Variants in SMG6 observed in about 807,000 individuals in gnomAD.
The protein encoded by SMG6 is telomerase-binding protein EST1A.
Under a neutral mutation model 142.2 loss-of-function variants are expected in SMG6, and 66 were observed. The observed-to-expected ratio is 0.46, with a 90% CI of 0.38 to 0.57. The LOEUF is 0.57. Ranked by LOEUF, SMG6 falls within the 20% of genes least tolerant of loss-of-function variation. The pLI, the probability that SMG6 is intolerant of heterozygous loss-of-function variation, is 0.00. For synonymous variants in SMG6, 779 were observed against 702.4 expected, an observed-to-expected ratio of 1.11 and a Z score of -1.72; for missense variants, 1,793 against 1,832.0, an observed-to-expected ratio of 0.98 and a Z score of 0.39.
chr17:2,255,200 C>A (rs1203040973), intron 8 of SMG6, among the ~76,000 whole-genome samples: 1 of 151,018 alleles, frequency 6.6e-6, no homozygotes, highest in Non-Finnish European at 1.5e-5. Context: ...GTCAGGAGAT[C>A]GAGACCATCC....
At chr17:2,228,772 A>G (rs2151786847) in intron 10 of SMG6, among the ~76,000 whole-genome samples, 1 of 152,366 alleles carries the variant, frequency 6.6e-6, no homozygotes, top group East Asian at 1.9e-4. Flanking sequence ...TCAGGATGAT[A>G]GTTACCTGTT....
chr17:2,148,633 C>G (rs141076914), intron 13 of SMG6, among the ~76,000 whole-genome samples: 6 of 152,038 alleles, frequency 3.9e-5, no homozygotes, highest in African/African-American at 1.4e-4. Flanking sequence ...CCAAGGCGGG[C>G]GGATCACTTG....
chr17:2,098,043 C>T (rs2068903943), intron 13 of SMG6, among the ~76,000 whole-genome samples: 1 of 152,084 alleles, frequency 6.6e-6, no homozygotes, highest in Non-Finnish European at 1.5e-5. Context: ...GGCTGGAGTA[C>T]AGTGACGAGA....
At chr17:2,298,113 C>A (rs2075184325) in intron 2 of SMG6, 58 bp from the exon 3 acceptor site, 3 of 1,507,954 alleles carry the variant, frequency 2.0e-6, no homozygotes, top group Non-Finnish European at 2.7e-6. Context: ...AAGCTAGACT[C>A]AAGTTTTGAG....
At chr17:2,118,275 T>C (rs990655635) in intron 13 of SMG6, among the ~76,000 whole-genome samples, 9 of 152,100 alleles carry the variant, frequency 5.9e-5, no homozygotes, top group Admixed American at 3.3e-4. Flanking sequence ...CAGTGGCTCA[T>C]GCCTGTAATC....
chr17:2,254,455 T>C (rs889248867), intron 8 of SMG6, among the ~76,000 whole-genome samples: 1 of 152,144 alleles, frequency 6.6e-6, no homozygotes, highest in African/African-American at 2.4e-5. Context: ...GTGCCTCAGC[T>C]TCCCAAGTAG....
intron 10 of SMG6, among the ~76,000 whole-genome samples, chr17:2,211,027 C>G (rs151048588): frequency 6.6e-6 from 1 of 151,230 alleles, no homozygotes; most frequent in African/African-American, 2.4e-5. Flanking sequence ...CCATGCTTGA[C>G]TACCAAATTC....
chr17:2,208,092 G>A (rs1362830590), intron 10 of SMG6, among the ~76,000 whole-genome samples: 2 of 152,012 alleles, frequency 1.3e-5, no homozygotes, highest in Admixed American at 6.6e-5. Context: ...TCGTGCCACC[G>A]CACTCCAGCC....
At chr17:2,064,017 T>C (rs982982611) in intron 18 of SMG6, among the ~76,000 whole-genome samples, 1 of 152,014 alleles carries the variant, frequency 6.6e-6, no homozygotes, top group African/African-American at 2.4e-5. Flanking sequence ...GGCTGTGGGC[T>C]CGTAACCAGC....
chr17:2,160,176 ATTAG>A (rs1409124798), intron 13 of SMG6, among the ~76,000 whole-genome samples: 1 of 152,162 alleles, frequency 6.6e-6, no homozygotes, highest in African/African-American at 2.4e-5. Context: ...GTAAATATAT[ATTAG>A]TAAGTTGATT....
chr17:2,108,250 A>T (rs867003542), intron 13 of SMG6, among the ~76,000 whole-genome samples: 13 of 152,284 alleles, frequency 8.5e-5, no homozygotes, highest in Middle Eastern at 3.4e-3. Flanking sequence ...TTGTAACTGG[A>T]CCTCTTTGGA....
intron 10 of SMG6, chr17:2,232,586 G>A (rs2073528972): frequency 6.6e-6 from 1 of 152,122 alleles, no homozygotes; most frequent in Non-Finnish European, 1.5e-5. Flanking sequence ...AACGTCCCTT[G>A]TCCCACCCCT....
At chr17:2,291,877 A>G (rs1342324364) in intron 6 of SMG6, among the ~76,000 whole-genome samples, 2 of 140,286 alleles carry the variant, frequency 1.4e-5, no homozygotes, top group Non-Finnish European at 3.1e-5. Context: ...AAAAAGAGAG[A>G]GACAATTTTC....
At chr17:2,070,465 A>G (rs1405564144) in intron 15 of SMG6, among the ~76,000 whole-genome samples, 1 of 152,206 alleles carries the variant, frequency 6.6e-6, no homozygotes, top group Non-Finnish European at 1.5e-5. Flanking sequence ...AGATGCAGGC[A>G]CAGGGCTGGG....
intron 13 of SMG6, chr17:2,087,492 G>A: frequency 1.9e-6 from 2 of 1,049,810 alleles, no homozygotes; most frequent in Non-Finnish European, 2.3e-6. Context: ...ATTATAGGCT[G>A]GAATCTCAAG....
chr17:2,190,302 ACT>A (rs1440645815), intron 10 of SMG6, among the ~76,000 whole-genome samples: 3 of 152,024 alleles, frequency 2.0e-5, no homozygotes, highest in Non-Finnish European at 4.4e-5. Context: ...GGTAGCTGAT[ACT>A]CTGAGTAAAC....
intron 10 of SMG6, among the ~76,000 whole-genome samples, chr17:2,224,247 C>T (rs2073255151): frequency 6.6e-6 from 1 of 152,122 alleles, no homozygotes; most frequent in Non-Finnish European, 1.5e-5. Context: ...ATGGACACAG[C>T]CAAGATCCTT....
At chr17:2,283,878 A>C in intron 6 of SMG6, 143 bp from the exon 7 acceptor site, 1 of 643,132 alleles carries the variant, frequency 1.6e-6, no homozygotes, top group South Asian at 1.8e-5. Context: ...CAGAAATGCT[A>C]TCCACAGGAG....
intron 13 of SMG6, among the ~76,000 whole-genome samples, chr17:2,152,380 A>G (rs1350310357): frequency 6.6e-6 from 1 of 152,244 alleles, no homozygotes; most frequent in Non-Finnish European, 1.5e-5. Context: ...CTCAGCATTT[A>G]ATCAGTCAAA....
Sources: gnomAD v4.1 joint callset for allele counts (sites outside exome capture counted in the v4.1 genomes callset) on GRCh38, gnomAD v4.1.1 for gene constraint, MANE v1.5 for transcripts, NCBI Gene and HGNC (gene_info 2026-07-23, HGNC 2026-07-21) for gene names.